CDH13: variants seen among roughly 807,000 people sequenced by gnomAD.
The protein encoded by CDH13 is cadherin-13.
A neutral mutation model predicts 63.8 loss-of-function variants in CDH13; 24 were observed. The observed-to-expected ratio is 0.38, with a 90% CI of 0.27 to 0.53. The LOEUF (loss-of-function observed/expected upper bound fraction) is 0.53. Ranked by LOEUF, CDH13 falls within the 20% of genes least tolerant of loss-of-function variation. The probability of loss-of-function intolerance (pLI) is 0.85; values close to 1 mark genes in which losing one functional copy is unlikely to be tolerated. For missense variants in CDH13, 1,049 were observed against 903.1 expected (o/e 1.16, Z -2.07); for synonymous variants, 503 against 355.3 (o/e 1.42, Z -4.67).
rs1244427206 is a variant in CDH13, at chr16:83,735,530, C to G, written c.1539-12578C>G. On this transcript the variant is annotated intron_variant, in intron 10 of 13. Coordinates refer to ENST00000567109, the MANE Select transcript of CDH13 (RefSeq NM_001257.5). ...TACATAGAAACTTTGATCAACATCT[C>G]CCCCTTCTTCAGCCCTCTCCCTGCT... 1.3e-5 allele frequency: 2 copies of G among 152,180 alleles called. 1 individual carries two copies. The highest frequency in any genetic ancestry group is 6.3e-3 in the Middle Eastern group (2 of 316). 9.4% of individuals were successfully genotyped at this position (152,180 alleles called of 1,614,324 possible). A position where few individuals can be genotyped will look rare whatever the true frequency, so the allele number is the denominator to read the frequency against.
At chr16:83,306,116 C>G (rs115590211) in intron 5 of CDH13, among the ~76,000 whole-genome samples, 2,425 of 152,290 alleles carry the variant, frequency 0.016, 65 homozygotes, top group African/African-American at 0.052. Flanking sequence ...AAAATGTCTC[C>G]CGACATTGCC....
intron 4 of CDH13, among the ~76,000 whole-genome samples, chr16:83,133,152 C>A (rs935695372): frequency 6.6e-6 from 1 of 152,144 alleles, no homozygotes; most frequent in Non-Finnish European, 1.5e-5. Flanking sequence ...CACTTCATTC[C>A]ATTATTGGGA....
intron 2 of CDH13, among the ~76,000 whole-genome samples, chr16:82,928,397 T>A (rs559493859): frequency 6.6e-6 from 1 of 152,330 alleles, no homozygotes; most frequent in African/African-American, 2.4e-5. Flanking sequence ...ACTGTTGAAT[T>A]GAAGATAGGC....
chr16:83,341,191 A>G (rs983616711), intron 5 of CDH13, among the ~76,000 whole-genome samples: 1 of 152,238 alleles, frequency 6.6e-6, no homozygotes, highest in African/African-American at 2.4e-5. Context: ...ATGTAATTCA[A>G]AGGAAACAAG....
At chr16:82,886,874 C>T (rs560787415) in intron 2 of CDH13, among the ~76,000 whole-genome samples, 2 of 152,224 alleles carry the variant, frequency 1.3e-5, no homozygotes, top group South Asian at 2.1e-4. Flanking sequence ...TTTCCTTGTC[C>T]TTCTAAGTCA....
At chr16:83,736,209 C>G (rs1911525457) in intron 10 of CDH13, among the ~76,000 whole-genome samples, 1 of 152,142 alleles carries the variant, frequency 6.6e-6, no homozygotes. Flanking sequence ...TGTGGTTGCA[C>G]CTTAAAGCAT....
intron 1 of CDH13, among the ~76,000 whole-genome samples, chr16:82,669,650 T>G (rs187700859): frequency 6.6e-6 from 1 of 152,368 alleles, no homozygotes; most frequent in Admixed American, 6.5e-5. Flanking sequence ...CCATCCCAAT[T>G]AAGATGCTGT....
intron 3 of CDH13, among the ~76,000 whole-genome samples, chr16:83,082,047 G>A (rs922890700): frequency 9.9e-5 from 15 of 152,192 alleles, no homozygotes; most frequent in Admixed American, 2.6e-4. Flanking sequence ...TGATCTGCCC[G>A]CCTCGGCCTC....
At chr16:82,924,327 C>T (rs1470595503) in intron 2 of CDH13, among the ~76,000 whole-genome samples, 1 of 152,160 alleles carries the variant, frequency 6.6e-6, no homozygotes, top group Non-Finnish European at 1.5e-5. Context: ...ACTTCTCCCC[C>T]TCCTCCAATT....
intron 2 of CDH13, among the ~76,000 whole-genome samples, chr16:83,014,466 G>C (rs1914484187): frequency 6.6e-6 from 1 of 151,648 alleles, no homozygotes. Context: ...GACCATGGTG[G>C]CTTATGCCTG....
intron 6 of CDH13, among the ~76,000 whole-genome samples, chr16:83,437,078 G>C (rs1382099622): frequency 6.6e-6 from 1 of 151,974 alleles, no homozygotes; most frequent in Admixed American, 6.6e-5. Context: ...TGTTTTGTTT[G>C]GGTTTTTTTT....
At position 82,807,896 on chromosome 16, in the gene CDH13, G is replaced by C. The variant is rs80047981; in HGVS notation, c.46-50466G>C. 1.8e-3 allele frequency among the ~76,000 whole-genome samples: 279 copies of C among 152,268 alleles called. 2 individuals are homozygous for C. The highest frequency in any genetic ancestry group is 6.5e-3 in the African/African-American group (268 of 41,542). ...AAGACACAATTCTCAAGAATATCTT[G>C]GGTAATTTTCAAACTGTTCTTTTCC... On this transcript the variant is annotated intron_variant, in intron 1 of 13. Transcript: ENST00000567109.
intron 2 of CDH13, among the ~76,000 whole-genome samples, chr16:83,027,895 C>G (rs182023525): frequency 4.6e-5 from 7 of 152,326 alleles, no homozygotes; most frequent in Non-Finnish European, 8.8e-5. Context: ...AAATTGATGT[C>G]TGTCTTCCAC....
At chr16:82,936,571 GC>G (rs1319643441) in intron 2 of CDH13, among the ~76,000 whole-genome samples, 3 of 152,112 alleles carry the variant, frequency 2.0e-5, no homozygotes, top group African/African-American at 7.2e-5. Flanking sequence ...AAAACAGTAG[GC>G]CCCCCACCTT....
chr16:82,935,978 G>A (rs1288797744), intron 2 of CDH13, among the ~76,000 whole-genome samples: 5 of 152,178 alleles, frequency 3.3e-5, no homozygotes, highest in African/African-American at 1.2e-4. Flanking sequence ...GATTTGCATA[G>A]TGCTCACCCA....
At chr16:82,784,951 G>A (rs922104103) in intron 1 of CDH13, among the ~76,000 whole-genome samples, 1 of 152,176 alleles carries the variant, frequency 6.6e-6, no homozygotes, top group Non-Finnish European at 1.5e-5. Context: ...CAGAAGAGCT[G>A]CTCCGGGCTG....
At chr16:83,572,965 T>TA (rs1904780346) in intron 7 of CDH13, among the ~76,000 whole-genome samples, 2 of 152,198 alleles carry the variant, frequency 1.3e-5, no homozygotes, top group Admixed American at 1.3e-4. Flanking sequence ...GTACAGTACT[T>TA]ACAGCGAGCA....
intron 3 of CDH13, among the ~76,000 whole-genome samples, chr16:83,064,227 G>A (rs1262017437): frequency 6.6e-6 from 1 of 152,112 alleles, no homozygotes; most frequent in East Asian, 1.9e-4. Context: ...AAATTAGCTG[G>A]GTGTGGTGGC....
intron 6 of CDH13, among the ~76,000 whole-genome samples, chr16:83,475,034 C>T (rs1391694205): frequency 1.3e-5 from 2 of 152,218 alleles, no homozygotes; most frequent in South Asian, 2.1e-4. Flanking sequence ...CCAGGCCTTC[C>T]GCCATCTGGC....
Sources: gnomAD v4.1 joint callset for allele counts (sites outside exome capture counted in the v4.1 genomes callset) on GRCh38, gnomAD v4.1.1 for gene constraint, MANE v1.5 for transcripts, NCBI Gene and HGNC (gene_info 2026-07-23, HGNC 2026-07-21) for gene names.